The following NRXN3 variants were observed in gnomAD, a reference collection of about 807,000 sequenced individuals.
NRXN3 encodes the protein neurexin III.
NRXN3 carries 32 observed loss-of-function variants against 137.6 expected under a neutral mutation model. The observed-to-expected ratio is 0.23, with a 90% CI of 0.18 to 0.31. The LOEUF (loss-of-function observed/expected upper bound fraction) is 0.31, where lower values mean the gene tolerates loss of function less well. Ranked by LOEUF, NRXN3 falls within the 10% of genes least tolerant of loss-of-function variation. NRXN3 has a pLI of 1.00. For missense variants in NRXN3, 1,574 were observed against 2,062.5 expected (o/e 0.76, Z 4.59); for synonymous variants, 798 against 784.5 (o/e 1.02, Z -0.29).
At chr14:79,767,649 A>T (rs1392104122) in intron 19 of NRXN3, among the ~76,000 whole-genome samples, 1 of 152,232 alleles carries the variant, frequency 6.6e-6, no homozygotes, top group Non-Finnish European at 1.5e-5. Flanking sequence ...GTATTAATTC[A>T]CTTAATTCTC....
chr14:79,382,190 A>G (rs2094490223), intron 15 of NRXN3, among the ~76,000 whole-genome samples: 2 of 152,220 alleles, frequency 1.3e-5, no homozygotes, highest in Non-Finnish European at 2.9e-5. Flanking sequence ...ATAGCAGTCA[A>G]TCCCTTGTAA....
At chr14:79,225,990 G>T (rs978332218) in intron 15 of NRXN3, among the ~76,000 whole-genome samples, 4 of 152,058 alleles carry the variant, frequency 2.6e-5, no homozygotes, top group African/African-American at 9.7e-5. Context: ...GATAATCCAG[G>T]ATTATCTCCC....
intron 4 of NRXN3, among the ~76,000 whole-genome samples, chr14:78,553,798 T>A (rs1373673494): frequency 6.6e-6 from 1 of 152,224 alleles, no homozygotes; most frequent in Non-Finnish European, 1.5e-5. Flanking sequence ...TTTAATTTTA[T>A]CCCTCAACTC....
At chr14:79,790,364 A>G in intron 19 of NRXN3, among the ~76,000 whole-genome samples, 1 of 152,022 alleles carries the variant, frequency 6.6e-6, no homozygotes, top group South Asian at 2.1e-4. Flanking sequence ...AGAGGGTGGC[A>G]CGATCATGGC....
intron 15 of NRXN3, among the ~76,000 whole-genome samples, chr14:79,182,973 A>G (rs1306068495): frequency 1.3e-5 from 2 of 152,220 alleles, no homozygotes; most frequent in Admixed American, 6.5e-5. Context: ...CTACAAACAG[A>G]CACATAAAGA....
intron 4 of NRXN3, among the ~76,000 whole-genome samples, chr14:78,556,921 C>G (rs2096743302): frequency 8.7e-6 from 1 of 114,784 alleles, no homozygotes; most frequent in African/African-American, 3.3e-5. Context: ...CCCCCTTCCC[C>G]TCCTCCTCCC....
chr14:79,697,742 A>T lies in NRXN3; in HGVS notation c.3819A>T (p.Val1273=), dbSNP rs2098740642. The change falls in exon 19 of 21, where the codon GTA becomes GTT. Residue 1273 remains valine (V), a synonymous_variant. Coordinates refer to ENST00000335750, the MANE Select transcript of NRXN3 (RefSeq NM_001330195.2). Reference sequence around the variant, plus strand: ...GGCTCTATTATGATGGTTTGAAAGTACTGAACATGGCGGCTGAGAACAACC... The same window carrying T: ...GGCTCTATTATGATGGTTTGAAAGTTCTGAACATGGCGGCTGAGAACAACC... ...LSGLYYDGLK[V]LNMAAENNPN... The T allele has an allele frequency of 6.2e-7, 1 of 1,613,068 alleles. No homozygotes were observed. The highest frequency in any genetic ancestry group is 8.5e-7 in the Non-Finnish European group (1 of 1,179,444).
chr14:78,557,222 ATT>A (rs377666227), intron 4 of NRXN3, among the ~76,000 whole-genome samples: 5 of 136,510 alleles, frequency 3.7e-5, no homozygotes, highest in African/African-American at 2.7e-5. Flanking sequence ...ATTTTTTTCT[ATT>A]TTTTTTTTTT....
intron 4 of NRXN3, among the ~76,000 whole-genome samples, chr14:78,396,082 A>AT (rs569215346): frequency 1.3e-5 from 2 of 150,860 alleles, no homozygotes; most frequent in African/African-American, 4.9e-5. Context: ...TGTTACTTGA[A>AT]TTTTTTTTAA....
chr14:78,335,668 C>T (rs1192902912), intron 4 of NRXN3, among the ~76,000 whole-genome samples: 1 of 152,176 alleles, frequency 6.6e-6, no homozygotes, highest in Non-Finnish European at 1.5e-5. Flanking sequence ...TTCCTTCCTC[C>T]CACCTGCCTT....
chr14:78,189,570 G>C (rs1352240453), intron 1 of NRXN3, among the ~76,000 whole-genome samples: 7 of 151,498 alleles, frequency 4.6e-5, no homozygotes, highest in African/African-American at 7.3e-5. Flanking sequence ...CTTTGTCCCG[G>C]CAATTTTCCG....
intron 16 of NRXN3, among the ~76,000 whole-genome samples, chr14:79,467,942 T>C (rs2096452116): frequency 6.6e-6 from 1 of 152,216 alleles, no homozygotes; most frequent in African/African-American, 2.4e-5. Context: ...AAAATGCATC[T>C]ATAAAAACAA....
chr14:79,493,101 G>T lies in NRXN3; in HGVS notation c.3444+25699G>T, dbSNP rs149081806. Reference sequence around the variant, plus strand: ...GAGGAATCGACATTAATTCAAGTTGGGACACAGAAGTTGGCATTGTGAAGA... The same window carrying T: ...GAGGAATCGACATTAATTCAAGTTGTGACACAGAAGTTGGCATTGTGAAGA... On this transcript the variant is annotated intron_variant, in intron 16 of 20. Transcript: ENST00000335750. 3.3e-4 allele frequency among the ~76,000 whole-genome samples: 51 copies of T among 152,250 alleles called. No individual in the cohort carries two copies. In the East Asian group the frequency reaches 9.6e-3, roughly 29 times the overall value.
At chr14:79,690,813 C>T (rs1274036770) in intron 17 of NRXN3, among the ~76,000 whole-genome samples, 1 of 152,074 alleles carries the variant, frequency 6.6e-6, no homozygotes, top group Non-Finnish European at 1.5e-5. Flanking sequence ...TGGAGATGGC[C>T]CTGCAATTGA....
intron 16 of NRXN3, among the ~76,000 whole-genome samples, chr14:79,487,388 CT>C (rs1207504964): frequency 6.6e-6 from 1 of 152,112 alleles, no homozygotes; most frequent in Non-Finnish European, 1.5e-5. Flanking sequence ...TTCCTACCCG[CT>C]TTACAAAAAC....
intron 4 of NRXN3, among the ~76,000 whole-genome samples, chr14:78,321,668 T>A (rs1295685557): frequency 1.3e-5 from 2 of 152,070 alleles, no homozygotes; most frequent in African/African-American, 2.4e-5. Flanking sequence ...GGTTCTTGGT[T>A]CCATGGTAGA....
intron 1 of NRXN3, among the ~76,000 whole-genome samples, chr14:78,221,133 G>A (rs1454442364): frequency 6.6e-6 from 1 of 152,126 alleles, no homozygotes; most frequent in Non-Finnish European, 1.5e-5. Flanking sequence ...TGGGGTGGTG[G>A]AAGTTCAGGG....
intron 19 of NRXN3, chr14:79,791,356 A>G (rs1476962240): frequency 6.6e-6 from 1 of 151,760 alleles, no homozygotes; most frequent in Non-Finnish European, 1.5e-5. Context: ...GACTGAAGAC[A>G]GGATACATTT....
In NRXN3 at chr14:78,580,257, C is replaced by A. The variant is rs539170148; in HGVS notation, c.758-64863C>A. Among the ~76,000 whole-genome samples, 10 of 152,176 alleles carry A rather than the reference C, an allele frequency of 6.6e-5. No homozygotes were observed. In the South Asian group the frequency reaches 2.1e-3, roughly 32 times the overall value. ...TGACAACTGCTGAAATGTACTCATG[C>A]CTGCCTGCTTGCCCTAACTGCACTT... On this transcript the variant is annotated intron_variant, in intron 4 of 20. Transcript: ENST00000335750.
Sources: gnomAD v4.1 joint callset for allele counts (sites outside exome capture counted in the v4.1 genomes callset) on GRCh38, gnomAD v4.1.1 for gene constraint, MANE v1.5 for transcripts, NCBI Gene and HGNC (gene_info 2026-07-23, HGNC 2026-07-21) for gene names.